Variants in CLCN4 observed in about 807,000 individuals in gnomAD.
The protein encoded by CLCN4 is Cl-/H+ antiporter 4.
In CLCN4, 1 loss-of-function variant was observed where a neutral mutation model predicts 41.7. That is an observed-to-expected ratio of 0.02 (90% CI 0.01 to 0.11). The LOEUF (loss-of-function observed/expected upper bound fraction) is 0.11, where lower values mean the gene tolerates loss of function less well. Among genes scored for constraint, CLCN4 ranks in the 10% least tolerant of loss-of-function variants. The pLI is 1.00. For synonymous variants in CLCN4, 277 were observed against 285.8 expected (o/e 0.97, Z 0.31); for missense variants, 287 against 661.0 (o/e 0.43, Z 6.20).
intron 2 of CLCN4, among the ~76,000 whole-genome samples, chrX:10,178,409 C>A (rs1166669141): frequency 9.0e-6 from 1 of 111,718 alleles, no homozygotes; most frequent in South Asian, 3.8e-4. Context: ...TGCTACTCCT[C>A]CAAATGCAGA....
intron 2 of CLCN4, among the ~76,000 whole-genome samples, chrX:10,184,107 G>A (rs1923751946): frequency 8.9e-6 from 1 of 112,335 alleles, no homozygotes; most frequent in Non-Finnish European, 1.9e-5. Flanking sequence ...CACATAGGCT[G>A]CCTGCCTGAG....
In CLCN4 at chrX:10,220,705, A is replaced by T; in HGVS notation, c.2020A>T (p.Met674Leu). The change falls in exon 12 of 13, where the codon ATG (methionine) becomes TTG (leucine). Residue 674 changes from methionine to leucine, a missense_variant. Physicochemically the swap from Met to Leu is conservative, Grantham distance 15. Transcript: ENST00000380833. ...RQEGIVSNSI[M>L]YFTEEPPELP... is the part of the protein sequence containing the mutation. ...GGAGGGCATTGTGAGCAATTCCATC[A>T]TGTACTTCACGGAGGAACCCCCCGA... 8.3e-7 allele frequency: 1 copy of T among 1,211,461 alleles called. No homozygotes were observed. The highest frequency in any genetic ancestry group is 1.1e-6 in the Non-Finnish European group (1 of 895,365).
chrX:10,221,660 T>C (rs1023611327), intron 12 of CLCN4, among the ~76,000 whole-genome samples: 2 of 112,070 alleles, frequency 1.8e-5, no homozygotes, highest in East Asian at 5.6e-4. Flanking sequence ...GTAAAAAGAA[T>C]AGTGGTAGTA....
intron 11 of CLCN4, among the ~76,000 whole-genome samples, chrX:10,214,530 C>T (rs746752073): frequency 1.2e-3 from 132 of 112,939 alleles, no homozygotes; most frequent in African/African-American, 4.0e-3. Context: ...ACCAACCATC[C>T]GGCTGAGATC....
intron 5 of CLCN4, among the ~76,000 whole-genome samples, chrX:10,195,527 G>A (rs1027734180): frequency 3.6e-5 from 4 of 111,695 alleles, no homozygotes; most frequent in African/African-American, 1.3e-4. Context: ...TTGTTCACCC[G>A]TTTAAAGTGT....
At chrX:10,192,183 C>T (rs2147171010) in intron 4 of CLCN4, among the ~76,000 whole-genome samples, 1 of 110,540 alleles carries the variant, frequency 9.0e-6, no homozygotes, top group South Asian at 3.9e-4. Flanking sequence ...TGACCCCCCA[C>T]TGTGGTATGA....
chrX:10,194,527 G>T (rs1379660324), intron 4 of CLCN4, among the ~76,000 whole-genome samples: 1 of 111,681 alleles, frequency 9.0e-6, no homozygotes, highest in Non-Finnish European at 1.9e-5. Flanking sequence ...GTTTCCCTGA[G>T]AAATATTAAT....
intron 4 of CLCN4, among the ~76,000 whole-genome samples, chrX:10,188,016 G>A (rs1486249846): frequency 8.9e-6 from 1 of 112,114 alleles, no homozygotes; most frequent in Admixed American, 9.4e-5. Context: ...TCCCGGGGTT[G>A]AACAATCCTC....
chrX:10,216,918 T>TATATATATATACAC (rs773265490), intron 11 of CLCN4, among the ~76,000 whole-genome samples: 79 of 38,927 alleles, frequency 2.0e-3, no homozygotes, highest in African/African-American at 8.2e-3. Flanking sequence ...TATATATATA[T>TATATATATATACAC]ACACACACAC....
In CLCN4 at chrX:10,157,007, G is replaced by T; in HGVS notation, c.-368G>T. 3.4e-6 allele frequency: 1 copy of T among 298,057 alleles called. No individual in the cohort carries two copies. Among genetic ancestry groups the T allele is most frequent in the Non-Finnish European group, 5.9e-6 (1 of 170,403 alleles). 24.6% of individuals were successfully genotyped at this position (298,057 alleles called of 1,213,427 possible). On this transcript the variant is annotated 5_prime_UTR_variant, in exon 1 of 13. Transcript: ENST00000380833. ...ACATTTGCCTCTGGCAGGAAAATGA[G>T]CTTGTCAGTTTCTGCCTCCATTAGA...
chrX:10,206,864 G>A (rs945044027), intron 8 of CLCN4, 88 bp downstream of exon 8: 8 of 636,437 alleles, frequency 1.3e-5, no homozygotes, highest in Admixed American at 1.1e-4. Flanking sequence ...ATAAGATTCC[G>A]GCAGTTAATT....
At chrX:10,167,184 G>A (rs1004764367) in intron 2 of CLCN4, among the ~76,000 whole-genome samples, 1 of 112,061 alleles carries the variant, frequency 8.9e-6, no homozygotes, top group African/African-American at 3.3e-5. Context: ...CTCCTTGGTC[G>A]TGTGGCCCTC....
chrX:10,160,594 CCA>C (rs1460611224), intron 2 of CLCN4, among the ~76,000 whole-genome samples: 8 of 111,512 alleles, frequency 7.2e-5, no homozygotes, highest in African/African-American at 2.6e-4. Flanking sequence ...ATAACAGTGT[CCA>C]CTCGGAGGTG....
At chrX:10,158,786 G>A (rs1271592036) in intron 2 of CLCN4, among the ~76,000 whole-genome samples, 1 of 113,649 alleles carries the variant, frequency 8.8e-6, no homozygotes, top group Non-Finnish European at 1.9e-5. Flanking sequence ...TGCCCGCCCC[G>A]AGAAAGCGGG....
chrX:10,178,483 C>G (rs751548858), intron 2 of CLCN4, among the ~76,000 whole-genome samples: 2 of 111,794 alleles, frequency 1.8e-5, no homozygotes, highest in Non-Finnish European at 3.8e-5. Flanking sequence ...GACTCTTCCT[C>G]TAGATCCAAG....
At chrX:10,169,503 A>G (rs1235511026) in intron 2 of CLCN4, among the ~76,000 whole-genome samples, 1 of 109,119 alleles carries the variant, frequency 9.2e-6, no homozygotes, top group East Asian at 2.8e-4. Context: ...ATTCAGAAAA[A>G]CAAACAAACA....
chrX:10,168,275 A>G (rs766701307), intron 2 of CLCN4, among the ~76,000 whole-genome samples: 48 of 111,723 alleles, frequency 4.3e-4, no homozygotes, highest in Non-Finnish European at 5.5e-4. Flanking sequence ...CGGCCTTTGC[A>G]GATGCGGGAT....
chrX:10,233,394 C>T, intron 12 of CLCN4, 100 bp from the exon 13 acceptor site: 1 of 586,067 alleles, frequency 1.7e-6, no homozygotes, highest in South Asian at 2.7e-5. Flanking sequence ...GAAATGTTGT[C>T]TGTCTCTGTG....
chrX:10,221,209 T>C (rs1924852004), intron 12 of CLCN4, among the ~76,000 whole-genome samples: 1 of 111,413 alleles, frequency 9.0e-6, no homozygotes, highest in East Asian at 2.8e-4. Context: ...GAGGTTCTGC[T>C]ATAACGTGAT....
Sources: gnomAD v4.1 joint callset for allele counts (sites outside exome capture counted in the v4.1 genomes callset) on GRCh38, gnomAD v4.1.1 for gene constraint, MANE v1.5 for transcripts, NCBI Gene and HGNC (gene_info 2026-07-23, HGNC 2026-07-21) for gene names.